The following DOCK1 variants were observed in gnomAD, a reference collection of about 807,000 sequenced individuals.
DOCK1 encodes the protein dedicator of cytokinesis protein 1.
Under a neutral mutation model 262.7 loss-of-function variants are expected in DOCK1, and 138 were observed. The observed-to-expected ratio is 0.53, with a 90% CI of 0.46 to 0.61. The LOEUF is 0.61. Among genes scored for constraint, DOCK1 ranks in the 20% least tolerant of loss-of-function variants. The pLI, the probability that DOCK1 is intolerant of heterozygous loss-of-function variation, is 0.00. For synonymous variants in DOCK1, 866 were observed against 867.4 expected (o/e 1.00, Z 0.03); for missense variants, 1,908 against 2,370.7 (o/e 0.80, Z 4.05).
intron 6 of DOCK1, among the ~76,000 whole-genome samples, chr10:126,992,261 G>T (rs1450363147): frequency 6.6e-6 from 1 of 152,118 alleles, no homozygotes. Flanking sequence ...TTAAACTTAT[G>T]TTCAGAGACC....
intron 27 of DOCK1, among the ~76,000 whole-genome samples, chr10:127,154,082 C>T (rs576515192): frequency 5.3e-5 from 8 of 152,276 alleles, no homozygotes; most frequent in Admixed American, 3.3e-4. Flanking sequence ...TCTCTGCTTT[C>T]GTTGTACAAA....
chr10:127,018,997 T>G (rs2042211348), intron 13 of DOCK1, 162 bp downstream of exon 13: 1 of 1,094,012 alleles, frequency 9.1e-7, no homozygotes, highest in South Asian at 1.7e-5. Flanking sequence ...CATGGGGCTG[T>G]GACCGGAGTG....
intron 22 of DOCK1, 81 bp from the exon 23 acceptor site, chr10:127,061,587 C>G: frequency 8.6e-7 from 1 of 1,161,522 alleles, no homozygotes; most frequent in South Asian, 1.4e-5. Context: ...CCAAGTGATT[C>G]CCTTCATGGC....
At chr10:126,921,983 A>G (rs1486854465) in intron 1 of DOCK1, among the ~76,000 whole-genome samples, 1 of 152,044 alleles carries the variant, frequency 6.6e-6, no homozygotes, top group Non-Finnish European at 1.5e-5. Context: ...AGGCCTAGGC[A>G]GGCTGATCCT....
intron 27 of DOCK1, among the ~76,000 whole-genome samples, chr10:127,239,147 T>A (rs2059174045): frequency 6.6e-6 from 1 of 152,168 alleles, no homozygotes; most frequent in Non-Finnish European, 1.5e-5. Flanking sequence ...ATTTTGAAAA[T>A]AAGCATTAGG....
At chr10:127,318,808 A>C (rs1397760180) in intron 29 of DOCK1, among the ~76,000 whole-genome samples, 3 of 152,200 alleles carry the variant, frequency 2.0e-5, no homozygotes, top group African/African-American at 7.2e-5. Flanking sequence ...CAAACCTATA[A>C]CTGGGCCCTG....
chr10:127,393,389 T>TA (rs988335502), intron 38 of DOCK1, among the ~76,000 whole-genome samples: 1 of 152,166 alleles, frequency 6.6e-6, no homozygotes, highest in Non-Finnish European at 1.5e-5. Flanking sequence ...ATTACGTACT[T>TA]ACTCTGTGGG....
chr10:127,093,185 A>C (rs2047647609), intron 23 of DOCK1, among the ~76,000 whole-genome samples: 1 of 101,004 alleles, frequency 9.9e-6, no homozygotes, highest in African/African-American at 4.3e-5. Context: ...TTGCATCTGA[A>C]TCTCCCTCTC....
Position 127,176,486 on chromosome 10 carries a change from C to G in DOCK1, c.2847+48722C>G, listed in dbSNP as rs567107963. The G allele has an allele frequency of 9.2e-7, 1 of 1,091,330 alleles. No individual in the cohort carries two copies. The highest frequency in any genetic ancestry group is 1.3e-6 in the Non-Finnish European group (1 of 761,792). 67.6% of individuals were successfully genotyped at this position (1,091,330 alleles called of 1,614,324 possible). A position where few individuals can be genotyped will look rare whatever the true frequency, so the allele number is the denominator to read the frequency against. The stretch of plus-strand genomic sequence containing the variant: ...CCGCACAAACTTTTAGCCACCACGA[C>G]GACTGCCTGTTTCCTAATTATATTT... On this transcript the variant is annotated intron_variant, in intron 27 of 51. Transcript: ENST00000623213. This position sits in a 1 kb window ranked among gnomAD's most constrained non-coding sequence, Gnocchi z 4.4.
intron 27 of DOCK1, among the ~76,000 whole-genome samples, chr10:127,194,641 C>G (rs867733086): frequency 6.6e-6 from 1 of 152,092 alleles, no homozygotes; most frequent in South Asian, 2.1e-4. Context: ...CATCAAGTAC[C>G]CAGCCAGCGC....
chr10:127,149,856 A>G (rs1325867381), intron 27 of DOCK1, among the ~76,000 whole-genome samples: 2 of 152,180 alleles, frequency 1.3e-5, no homozygotes, highest in Non-Finnish European at 2.9e-5. Context: ...CCCATGGTGC[A>G]TATGGAGAAG....
chr10:127,275,086 G>T (rs574991554), intron 29 of DOCK1, among the ~76,000 whole-genome samples: 6 of 152,228 alleles, frequency 3.9e-5, no homozygotes, highest in Admixed American at 2.0e-4. Context: ...AGGCTAGAAG[G>T]TACAATTTGG....
intron 27 of DOCK1, among the ~76,000 whole-genome samples, chr10:127,168,828 G>A (rs1194956300): frequency 1.3e-5 from 2 of 152,078 alleles, no homozygotes; most frequent in African/African-American, 2.4e-5. Context: ...CTGCTGCAGC[G>A]GTGCACAATT....
chr10:127,284,850 C>A (rs569501810), intron 29 of DOCK1, among the ~76,000 whole-genome samples: 1 of 152,266 alleles, frequency 6.6e-6, no homozygotes, highest in East Asian at 1.9e-4. Flanking sequence ...TATTTGGCAT[C>A]GGCCAGGTGC....
intron 5 of DOCK1, 42 bp downstream of exon 5, chr10:126,987,659 G>A: frequency 1.3e-6 from 2 of 1,488,580 alleles, no homozygotes; most frequent in South Asian, 1.3e-5. Context: ...GAAATAGAGA[G>A]TGGGCTTTTT....
chr10:127,241,807 G>A (rs899356524), intron 27 of DOCK1, among the ~76,000 whole-genome samples: 1 of 152,098 alleles, frequency 6.6e-6, no homozygotes, highest in Non-Finnish European at 1.5e-5. Flanking sequence ...ATTTTCTTCT[G>A]CTTTTCAGGT....
chr10:127,019,230 A>C (rs2042232691), intron 13 of DOCK1, among the ~76,000 whole-genome samples: 1 of 152,212 alleles, frequency 6.6e-6, no homozygotes. Flanking sequence ...GCGCCCGCTC[A>C]GCTAGTGTAC....
At chr10:126,921,048 C>T (rs2033138074) in intron 1 of DOCK1, among the ~76,000 whole-genome samples, 1 of 151,798 alleles carries the variant, frequency 6.6e-6, no homozygotes, top group South Asian at 2.1e-4. Context: ...AATACAAAAA[C>T]AATTAGTTGG....
chr10:127,397,268 A>G (rs1164657838), intron 38 of DOCK1, among the ~76,000 whole-genome samples: 3 of 85,376 alleles, frequency 3.5e-5, no homozygotes, highest in African/African-American at 1.4e-4. Flanking sequence ...ACGGGCGGCG[A>G]CTCCTATGTG....
Sources: gnomAD v4.1 joint callset for allele counts (sites outside exome capture counted in the v4.1 genomes callset) on GRCh38, gnomAD v4.1.1 for gene constraint, Gnocchi (gnomAD v3.1) non-coding constraint, MANE v1.5 for transcripts, NCBI Gene and HGNC (gene_info 2026-07-23, HGNC 2026-07-21) for gene names.